ANAPC2: variants seen among roughly 807,000 people sequenced by gnomAD.
The protein encoded by ANAPC2 is anaphase promoting complex subunit 2, also known as anaphase-promoting complex subunit 2.
In ANAPC2, 29 loss-of-function variants were observed where a neutral mutation model predicts 84.3. The ratio of observed to expected loss-of-function variants is 0.34; its 90% CI spans 0.26 to 0.47. The LOEUF (loss-of-function observed/expected upper bound fraction) is 0.47, where lower values mean the gene tolerates loss of function less well. Ranked by LOEUF, ANAPC2 falls within the 20% of genes least tolerant of loss-of-function variation. The pLI is 1.00. For synonymous variants in ANAPC2, 571 were observed against 479.4 expected, an observed-to-expected ratio of 1.19 and a Z score of -2.50; for missense variants, 857 against 1,131.7, an observed-to-expected ratio of 0.76 and a Z score of 3.48.
chr9:137,183,865 C>T (rs531989048), intron 4 of ANAPC2, 74 bp from the exon 5 acceptor site: 15 of 1,571,484 alleles, frequency 9.5e-6, no homozygotes, highest in Middle Eastern at 1.7e-4. Context: ...AGAGTGTGTG[C>T]GGTGTGGGAA....
chr9:137,178,597 G>A (rs990997885), intron 10 of ANAPC2, among the ~76,000 whole-genome samples: 38 of 152,348 alleles, frequency 2.5e-4, no homozygotes, highest in African/African-American at 8.7e-4. Flanking sequence ...ATTTGTACCA[G>A]AACACAGCGG....
rs1026278420 is a variant in ANAPC2, at chr9:137,180,037, C to G, written c.1890+144G>C. The G allele has an allele frequency of 3.2e-5, 28 of 877,868 alleles. No individual in the cohort carries two copies. In the Middle Eastern group the frequency reaches 2.8e-3, roughly 88 times the overall value. The allele number at this position is 877,868 out of a possible 1,614,324, so 54.4% of individuals were successfully genotyped here. ...AGAGCGTGGGCCAGGCCCACTCCCT[C>G]TCCTGCAGAGGCGGCTGCGAGACAG... On this transcript the variant is annotated intron_variant, in intron 10 of 12. Coordinates refer to ENST00000323927, the MANE Select transcript of ANAPC2 (RefSeq NM_013366.4).
chr9:137,176,871 C>G (rs1396064988), intron 10 of ANAPC2: 3 of 152,238 alleles, frequency 2.0e-5, no homozygotes, highest in African/African-American at 7.2e-5. Flanking sequence ...CTTCTCCTTG[C>G]TACTTATAGC....
chr9:137,188,473 C>A lies in ANAPC2; in HGVS notation c.60G>T (p.Leu20Phe). 6.2e-7 allele frequency: 1 copy of A among 1,610,518 alleles called. No homozygotes were observed. Among genetic ancestry groups the A allele is most frequent in the Non-Finnish European group, 8.5e-7 (1 of 1,179,522 alleles). Residue 20 changes from leucine (L) to phenylalanine (F), a missense_variant, in exon 1 of 13, where the codon TTG (leucine) becomes TTT (phenylalanine). Physicochemically the swap from Leu to Phe is conservative, Grantham distance 22. This residue lies in a region of ANAPC2 where 428 missense variants were observed against 513.8 expected (regional missense o/e 0.83). Coordinates refer to ENST00000323927, the MANE Select transcript of ANAPC2 (RefSeq NM_013366.4). The stretch of plus-strand genomic sequence containing the variant: ...TGCTCACGGTGTTCCAGGCCACTAA[C>A]AACTCCTGTCCGGGCCGGGAGTCGC... Reference protein sequence around the residue: ...GDSDSRPGQELLVAWNTVSTG... With the variant: ...GDSDSRPGQEFLVAWNTVSTG...
chr9:137,180,888 G>A lies in ANAPC2; in HGVS notation c.1510C>T (p.Leu504=), dbSNP rs547209220. ...SKRRSSDIIS[L]LVSIYGSKDL... is the part of the protein sequence containing the mutation. ...TTGCTGCCGTAGATGCTGACCAGCA[G>A]GCTGATGATGTCCGATGAACGCCGC... The change falls in exon 8 of 13, where the codon CTG becomes TTG. Residue 504 remains leucine (L), a synonymous_variant. Transcript: ENST00000323927. The A allele has an allele frequency of 1.7e-4, 277 of 1,613,530 alleles. 3 individuals are homozygous for A. The South Asian group carries it at 2.9e-3, about 17-fold the overall frequency.
chr9:137,183,502 C>G lies in ANAPC2; in HGVS notation c.1168+170G>C. On this transcript the variant is annotated intron_variant, in intron 5 of 12. Transcript: ENST00000323927. ...TCCCTCCAAAGAAGAAACAAGCAAG[C>G]TGACGGGCACCTCAGATCCCCTAAG... The G allele has an allele frequency of 2.8e-6, 3 of 1,064,234 alleles. No homozygotes were observed. The Admixed American group carries it at 8.6e-5, about 31-fold the overall frequency. The allele number at this position is 1,064,234 out of a possible 1,614,324, so 65.9% of individuals were successfully genotyped here. A position where few individuals can be genotyped will look rare whatever the true frequency, so the allele number is the denominator to read the frequency against.
Position 137,186,214 on chromosome 9 carries a change from G to C in ANAPC2, c.873+10C>G, listed in dbSNP as rs1834465261. The stretch of plus-strand genomic sequence containing the variant: ...TCCAGCGGGGCACAGCCCAAGGGAG[G>C]GGTCCTCACCTTGTGGAACTCACGC... On this transcript the variant is annotated intron_variant, in intron 3 of 12. Coordinates refer to ENST00000323927, the MANE Select transcript of ANAPC2 (RefSeq NM_013366.4). 1 of 1,612,032 alleles carries C rather than the reference G, an allele frequency of 6.2e-7. No individual in the cohort carries two copies. Among genetic ancestry groups the C allele is most frequent in the Admixed American group, 1.7e-5 (1 of 59,988 alleles).
At chr9:137,186,465 C>CAT in intron 2 of ANAPC2, 109 bp from the exon 3 acceptor site, 2 of 1,384,458 alleles carry the variant, frequency 1.4e-6, no homozygotes, top group Non-Finnish European at 9.7e-7. Flanking sequence ...GCAGCACACA[C>CAT]ACACACACAC....
chr9:137,182,037 C>T (rs1834354438), intron 6 of ANAPC2, among the ~76,000 whole-genome samples, 175 bp from the exon 7 acceptor site: 1 of 152,208 alleles, frequency 6.6e-6, no homozygotes, highest in African/African-American at 2.4e-5. Context: ...AACAAATAAA[C>T]CCAACGTTAC....
chr9:137,187,225 A>T, intron 2 of ANAPC2: 1 of 508,292 alleles, frequency 2.0e-6, no homozygotes, highest in South Asian at 3.2e-5. Context: ...AGTTGCTAAG[A>T]AATTTGCTGC....
At chr9:137,183,628 G>A in intron 5 of ANAPC2, 44 bp downstream of exon 5, 3 of 1,584,804 alleles carry the variant, frequency 1.9e-6, no homozygotes, top group Non-Finnish European at 1.7e-6. Flanking sequence ...CCCCTGGTGA[G>A]TGTCTAAGCC....
chr9:137,187,453 G>A (rs1167676893), intron 2 of ANAPC2, 28 bp downstream of exon 2: 1 of 1,585,340 alleles, frequency 6.3e-7, no homozygotes, highest in Non-Finnish European at 8.6e-7. Flanking sequence ...AAGGAGCAAG[G>A]GCATGGCCAT....
intron 1 of ANAPC2, 28 bp from the exon 2 acceptor site, chr9:137,188,131 G>A (rs774077824): frequency 2.5e-6 from 4 of 1,600,662 alleles, no homozygotes; most frequent in East Asian, 2.2e-5. Flanking sequence ...GTGAGGCGAG[G>A]GGAACACAAC....
chr9:137,175,253 T>C lies in ANAPC2; in HGVS notation c.2240A>G (p.Lys747Arg), dbSNP rs531577315. 1.2e-6 allele frequency: 2 copies of C among 1,612,342 alleles called. No homozygotes were observed. Among genetic ancestry groups the C allele is most frequent in the South Asian group, 2.2e-5 (2 of 91,046 alleles). ...CACGCGCACCAGCAGCTCCTCCTCC[T>C]TCTGGTCGGCCTGGGAGGCCATGCC... ...DSGMASQADQKEEELLLFWTY... is the reference protein window; with the variant it reads ...DSGMASQADQREEELLLFWTY... Residue 747 changes from lysine to arginine, a missense_variant, in exon 12 of 13, where the codon AAG becomes AGG. Physicochemically the swap from Lys to Arg is conservative, Grantham distance 26. This residue lies in a region of ANAPC2 where 425 missense variants were observed against 595.5 expected (regional missense o/e 0.71). Coordinates refer to ENST00000323927, the MANE Select transcript of ANAPC2 (RefSeq NM_013366.4).
Position 137,181,878 on chromosome 9 carries a change from C to T in ANAPC2, c.1287-16G>A. The T allele has an allele frequency of 1.3e-6, 2 of 1,594,148 alleles. No individual in the cohort carries two copies. The highest frequency in any genetic ancestry group is 1.1e-5 in the South Asian group (1 of 89,960). ...CTCCCGCGTCCTGCCGATGTGAGTG[C>T]TGCTGTGGCCCACAGTGTGGACACC... On this transcript the variant is annotated splice_polypyrimidine_tract_variant and intron_variant, in intron 6 of 12. Transcript: ENST00000323927.
intron 6 of ANAPC2, 58 bp from the exon 7 acceptor site, chr9:137,181,920 C>G: frequency 1.3e-6 from 2 of 1,537,768 alleles, no homozygotes; most frequent in South Asian, 2.5e-5. Flanking sequence ...GCACCTCCCA[C>G]CACTCATTCC....
At chr9:137,178,892 G>C (rs560896502) in intron 10 of ANAPC2, among the ~76,000 whole-genome samples, 10 of 152,324 alleles carry the variant, frequency 6.6e-5, no homozygotes, top group African/African-American at 2.4e-4. Flanking sequence ...CCGGAAGGAA[G>C]CTTCCCCCTT....
chr9:137,188,310 G>A (rs1463915366), intron 1 of ANAPC2, 106 bp downstream of exon 1: 3 of 1,357,488 alleles, frequency 2.2e-6, no homozygotes, highest in Non-Finnish European at 3.0e-6. Context: ...GGACAGGACA[G>A]AGGCGGATGA....
intron 8 of ANAPC2, 68 bp downstream of exon 8, chr9:137,180,720 C>T: frequency 6.3e-7 from 1 of 1,585,818 alleles, no homozygotes; most frequent in South Asian, 1.1e-5. Flanking sequence ...CGTCAGGGCC[C>T]TGTCCCGAGA....
Sources: gnomAD v4.1 joint callset for allele counts (sites outside exome capture counted in the v4.1 genomes callset) on GRCh38, gnomAD v4.1.1 for gene constraint, gnomAD v4.1.1 regional missense constraint, MANE v1.5 for transcripts, NCBI Gene and HGNC (gene_info 2026-07-23, HGNC 2026-07-21) for gene names.